The following TET3 variants were observed in gnomAD, a reference collection of about 807,000 sequenced individuals.
The protein encoded by TET3 is tet methylcytosine dioxygenase 3.
A neutral mutation model predicts 141.4 loss-of-function variants in TET3; 19 were observed. The ratio of observed to expected loss-of-function variants is 0.13; its 90% CI spans 0.09 to 0.20. The LOEUF (loss-of-function observed/expected upper bound fraction) is 0.20. Ranked by LOEUF, TET3 falls within the 10% of genes least tolerant of loss-of-function variation. The pLI is 1.00. For missense variants in TET3, 1,874 were observed against 2,356.9 expected (o/e 0.80, Z 4.24); for synonymous variants, 1,043 against 980.9 (o/e 1.06, Z -1.18).
At chr2:74,058,296 C>T (rs1688319454) in intron 4 of TET3, among the ~76,000 whole-genome samples, 1 of 152,128 alleles carries the variant, frequency 6.6e-6, no homozygotes, top group South Asian at 2.1e-4. Context: ...ACAGTAGGGA[C>T]CCCACACACA....
At chr2:74,122,503 ATATATATATTT>A in the TET3 span, 9 of 69,482 alleles carry the variant, frequency 1.3e-4, no homozygotes, top group African/African-American at 5.1e-4. Flanking sequence ...ATATATATAT[ATATATATATTT>A]TTTTTTTTTT....
the TET3 span, among the ~76,000 whole-genome samples, chr2:74,124,017 G>A: frequency 1.0e-4 from 15 of 149,630 alleles, no homozygotes; most frequent in Non-Finnish European, 2.2e-4. Context: ...GAGCCCCTCC[G>A]CCCGGCAGCC....
At chr2:74,125,316 CT>C in the TET3 span, among the ~76,000 whole-genome samples, 42,976 of 152,130 alleles carry the variant, frequency 0.28, 6,431 homozygotes, top group East Asian at 0.49. Context: ...GGCGCTGTTT[CT>C]CCCTACAACA....
intron 4 of TET3, among the ~76,000 whole-genome samples, chr2:74,068,865 GTGT>G (rs1398005141): frequency 6.6e-6 from 1 of 152,056 alleles, no homozygotes. Context: ...TTTTCCTCTT[GTGT>G]TGTTGACCTT....
chr2:74,046,736 C>T lies in TET3; in HGVS notation c.819C>T (p.Asn273=), dbSNP rs758680556. Reference sequence around the variant, plus strand: ...ATGGTATGAAACCACCCAACTGCAACTGCGATGGCCCAGAATGCCCTGACT... The same window carrying T: ...ATGGTATGAAACCACCCAACTGCAATTGCGATGGCCCAGAATGCCCTGACT... The part of the protein sequence containing the change: ...ARHGMKPPNC[N]CDGPECPDYL... Residue 273 remains asparagine (N), a synonymous_variant, in exon 4 of 12, where the codon AAC becomes AAT. Transcript: ENST00000409262. The surrounding 1 kb of genome is among the most constrained non-coding windows in gnomAD (Gnocchi z 4.3). 6.2e-7 allele frequency: 1 copy of T among 1,613,944 alleles called. No homozygotes were observed. Among genetic ancestry groups the T allele is most frequent in the South Asian group, 1.1e-5 (1 of 91,090 alleles).
intron 3 of TET3, among the ~76,000 whole-genome samples, chr2:74,013,197 T>C (rs1437314478): frequency 6.6e-6 from 1 of 152,046 alleles, no homozygotes; most frequent in Non-Finnish European, 1.5e-5. Flanking sequence ...GGTTTCACCA[T>C]GTTGGCCAGG....
At chr2:74,118,990 A>G in the TET3 span, among the ~76,000 whole-genome samples, 8 of 152,338 alleles carry the variant, frequency 5.3e-5, no homozygotes, top group South Asian at 1.7e-3. Flanking sequence ...CACACCATGC[A>G]TGTAAGTTGT....
chr2:74,089,830 G>A (rs1690377905), intron 7 of TET3, 67 bp from the exon 8 acceptor site: 9 of 1,578,470 alleles, frequency 5.7e-6, no homozygotes, highest in Non-Finnish European at 7.8e-6. Flanking sequence ...ACCCCTTGAG[G>A]GAGGAGGAAT....
the TET3 span, chr2:74,121,470 T>G: frequency 6.6e-6 from 1 of 152,214 alleles, no homozygotes; most frequent in African/African-American, 2.4e-5. Flanking sequence ...AACTTTCAAG[T>G]CAGAGTGTGA....
chr2:73,995,513 G>T (rs1684547935), intron 2 of TET3, among the ~76,000 whole-genome samples: 1 of 152,166 alleles, frequency 6.6e-6, no homozygotes, highest in Non-Finnish European at 1.5e-5. Context: ...GATTTAAGAA[G>T]CGTGCCCTAC....
At position 74,106,101 on chromosome 2, in the gene TET3, T is replaced by G. The variant is rs1691484743; in HGVS notation, c.*3925T>G. 6.6e-6 allele frequency: 1 copy of G among 151,178 alleles called. No homozygotes were observed. The highest frequency in any genetic ancestry group is 2.4e-5 in the African/African-American group (1 of 41,046). The allele number at this position is 151,178 out of a possible 1,614,324, so 9.4% of individuals were successfully genotyped here. On this transcript the variant is annotated 3_prime_UTR_variant, in exon 12 of 12. Transcript: ENST00000409262. Reference sequence around the variant, plus strand: ...GGGCTCCAGTCTCTTGGCTTTTTTTTTTCCCTCCCCTCTTTTGGTGCTGTC... The same window carrying G: ...GGGCTCCAGTCTCTTGGCTTTTTTTGTTCCCTCCCCTCTTTTGGTGCTGTC...
rs1690607877 is a variant in TET3, at chr2:74,093,158, C to T, written c.3129+167C>T. Among the ~76,000 whole-genome samples the T allele has an allele frequency of 6.6e-6, 1 of 152,218 alleles. No individual in the cohort carries two copies. Among genetic ancestry groups the T allele is most frequent in the African/African-American group, 2.4e-5 (1 of 41,542 alleles). ...TTCTTTGATAAAAACCCCTTTTTTA[C>T]ACCAGGCTACCTGCATCCCACACCG... On this transcript the variant is annotated intron_variant, in intron 9 of 11. Coordinates refer to ENST00000409262, the MANE Select transcript of TET3 (RefSeq NM_001287491.2). The surrounding 1 kb of genome is among the most constrained non-coding windows in gnomAD (Gnocchi z 4.2).
chr2:74,130,771 T>C, the TET3 span: 1 of 152,156 alleles, frequency 6.6e-6, no homozygotes, highest in Admixed American at 6.5e-5. Context: ...GATGAGAGGA[T>C]TAACAAACAA....
At chr2:74,108,497 A>AAAATT (rs1283516089), downstream of TET3, among the ~76,000 whole-genome samples, 2 of 151,836 alleles carry the variant, frequency 1.3e-5, no homozygotes, top group African/African-American at 4.8e-5. Context: ...CCCTCCTACT[A>AAAATT]AAATTAACTT....
chr2:74,123,823 T>C, the TET3 span, among the ~76,000 whole-genome samples: 4 of 151,176 alleles, frequency 2.6e-5, no homozygotes, highest in Non-Finnish European at 4.4e-5. Context: ...GGAGTGTCTC[T>C]GCCCGGCCGC....
intron 2 of TET3, 183 bp from the exon 3 acceptor site, chr2:74,002,927 T>C: frequency 1.6e-6 from 1 of 628,606 alleles, no homozygotes; most frequent in Non-Finnish European, 2.9e-6. Context: ...GGGGAGCCTG[T>C]CTGCCGTGAT....
At position 74,049,848 on chromosome 2, in the gene TET3, G is replaced by T. The variant is rs181238799; in HGVS notation, c.2494+1437G>T. ...CTGGCCCCAGGGCTCTTACTTGGGG[G>T]TGAACAGATATGCTGCCAGGCACTC... On this transcript the variant is annotated intron_variant, in intron 4 of 11. Coordinates refer to ENST00000409262, the MANE Select transcript of TET3 (RefSeq NM_001287491.2). Among the ~76,000 whole-genome samples, 26 of 152,196 alleles carry T rather than the reference G, an allele frequency of 1.7e-4. 1 individual carries two copies. The highest frequency in any genetic ancestry group is 1.3e-3 in the Admixed American group (20 of 15,298).
the TET3 span, chr2:74,122,511 A>ATTTTTTTTTTTTTT: frequency 4.2e-5 from 2 of 47,554 alleles, no homozygotes; most frequent in Non-Finnish European, 7.5e-5. Flanking sequence ...ATATATATAT[A>ATTTTTTTTTTTTTT]TTTTTTTTTT....
At chr2:74,122,433 G>A in the TET3 span, 5 of 144,996 alleles carry the variant, frequency 3.4e-5, no homozygotes, top group Non-Finnish European at 7.5e-5. Flanking sequence ...TTCTGGTTGT[G>A]GATTTTGATA....
Sources: gnomAD v4.1 joint callset for allele counts (sites outside exome capture counted in the v4.1 genomes callset) on GRCh38, gnomAD v4.1.1 for gene constraint, Gnocchi (gnomAD v3.1) non-coding constraint, MANE v1.5 for transcripts, NCBI Gene and HGNC (gene_info 2026-07-23, HGNC 2026-07-21) for gene names.